SLC35C1: variants seen among roughly 807,000 people sequenced by gnomAD.
SLC35C1 encodes GDP-fucose transporter 1.
In SLC35C1, 8 loss-of-function variants were observed where a neutral mutation model predicts 23.2. That is an observed-to-expected ratio of 0.35 (90% CI 0.20 to 0.62). The LOEUF is 0.62. SLC35C1 is among the 20% of genes least tolerant of loss of function. The probability of loss-of-function intolerance (pLI) is 0.75; values close to 1 mark genes in which losing one functional copy is unlikely to be tolerated. For missense variants in SLC35C1, 422 were observed against 478.6 expected, an observed-to-expected ratio of 0.88 and a Z score of 1.10; for synonymous variants, 226 against 225.1, an observed-to-expected ratio of 1.00 and a Z score of -0.04.
chr11:45,805,874 G>A lies in SLC35C1; in HGVS notation c.73G>A (p.Glu25Lys). The change falls in exon 1 of 2, where the codon GAG becomes AAG. Residue 25 changes from glutamate to lysine, a missense_variant. Glu to Lys is a moderately conservative substitution (Grantham distance 56). Transcript: ENST00000314134. Reference sequence around the variant, plus strand: ...GACCGGGGCCTCAGACCCCTCTGCAGAGGCAGAGGCCAACGGGGAGAAGCC... The same window carrying A: ...GACCGGGGCCTCAGACCCCTCTGCAAAGGCAGAGGCCAACGGGGAGAAGCC... ...ALTGASDPSA[E>K]AEANGEKPFL... 6.2e-7 allele frequency: 1 copy of A among 1,614,174 alleles called. No individual in the cohort carries two copies. The highest frequency in any genetic ancestry group is 8.5e-7 in the Non-Finnish European group (1 of 1,180,028).
chr11:45,804,923 G>A, upstream of SLC35C1: 1 of 985,592 alleles, frequency 1.0e-6, no homozygotes, highest in Non-Finnish European at 1.2e-6. Context: ...GGTTGATGGA[G>A]CCCTTCCAGG....
rs780984429 is a variant in SLC35C1 at position 45,806,046 on chromosome 11, T to G, written c.245T>G (p.Leu82Arg). 1 of 1,613,504 alleles carries G rather than the reference T, an allele frequency of 6.2e-7. No homozygotes were observed. Reference protein sequence around the residue: ...TPIFVTFYQCLVTTLLCKGLS... With the variant: ...TPIFVTFYQCRVTTLLCKGLS... ...ATCTTCGTCACCTTCTACCAGTGCCTGGTGACCACGCTGCTGTGCAAAGGC... is the reference window on the plus strand; with the variant it reads ...ATCTTCGTCACCTTCTACCAGTGCCGGGTGACCACGCTGCTGTGCAAAGGC... The change falls in exon 1 of 2, where the codon CTG becomes CGG. Residue 82 changes from leucine to arginine, a missense_variant. Leu to Arg is a moderately radical substitution (Grantham distance 102). Transcript: ENST00000314134.
chr11:45,811,703 G>A lies in SLC35C1; in HGVS notation c.*368G>A. The A allele has an allele frequency of 5.0e-6, 1 of 198,298 alleles. No homozygotes were observed. Among genetic ancestry groups the A allele is most frequent in the Non-Finnish European group, 1.0e-5 (1 of 96,208 alleles). 12.3% of individuals were successfully genotyped at this position (198,298 alleles called of 1,614,324 possible). ...GACAGGGACAGGCAACAACCTTGAAGGGACAGCAATGGCAAAGCCACAAAG... is the reference window on the plus strand; with the variant it reads ...GACAGGGACAGGCAACAACCTTGAAAGGACAGCAATGGCAAAGCCACAAAG... On this transcript the variant is annotated 3_prime_UTR_variant, in exon 2 of 2. Transcript: ENST00000314134.
rs2085854368 is a variant in SLC35C1, at chr11:45,805,166, T to A, written c.-636T>A. On this transcript the variant is annotated 5_prime_UTR_variant, in exon 1 of 2. Transcript: ENST00000314134. The stretch of plus-strand genomic sequence containing the variant: ...GAGTCGGCCTCGGATGTCCGGAGGC[T>A]CCTGGGCTGAGCCGGCGACAGAGCC... 3.0e-6 allele frequency: 3 copies of A among 990,420 alleles called. No homozygotes were observed. The highest frequency in any genetic ancestry group is 1.2e-6 in the Non-Finnish European group (1 of 832,692). The allele number at this position is 990,420 out of a possible 1,614,324, so 61.4% of individuals were successfully genotyped here.
Position 45,805,154 on chromosome 11 carries a change from A to T in SLC35C1, c.-648A>T. The T allele has an allele frequency of 2.0e-6, 2 of 986,204 alleles. No homozygotes were observed. The highest frequency in any genetic ancestry group is 1.2e-6 in the Non-Finnish European group (1 of 830,544). 61.1% of individuals were successfully genotyped at this position (986,204 alleles called of 1,614,324 possible). On this transcript the variant is annotated 5_prime_UTR_variant, in exon 1 of 2. It removes an upstream start codon present in the reference 5' UTR. Coordinates refer to ENST00000314134, the MANE Select transcript of SLC35C1 (RefSeq NM_018389.5). ...CCGCCTCCCGGGGAGTCGGCCTCGGATGTCCGGAGGCTCCTGGGCTGAGCC... is the reference window on the plus strand; with the variant it reads ...CCGCCTCCCGGGGAGTCGGCCTCGGTTGTCCGGAGGCTCCTGGGCTGAGCC...
Position 45,805,318 on chromosome 11 carries a change from T to A in SLC35C1, c.-484T>A. On this transcript the variant is annotated 5_prime_UTR_variant, in exon 1 of 2. Coordinates refer to ENST00000314134, the MANE Select transcript of SLC35C1 (RefSeq NM_018389.5). ...GCGCCCGGCCTCCGGCAGCTCCCTGTACGCCTCCCTCCCCCTGCCCGCCCC... is the reference window on the plus strand; with the variant it reads ...GCGCCCGGCCTCCGGCAGCTCCCTGAACGCCTCCCTCCCCCTGCCCGCCCC... The A allele has an allele frequency of 9.6e-7, 1 of 1,045,322 alleles. No individual in the cohort carries two copies. Among genetic ancestry groups the A allele is most frequent in the Non-Finnish European group, 1.2e-6 (1 of 863,584 alleles). The allele number at this position is 1,045,322 out of a possible 1,614,324, so 64.8% of individuals were successfully genotyped here. A position where few individuals can be genotyped will look rare whatever the true frequency, so the allele number is the denominator to read the frequency against.
Position 45,806,109 on chromosome 11 carries a change from A to C in SLC35C1, c.308A>C (p.Asp103Ala). 2 of 1,609,518 alleles carry C rather than the reference A, an allele frequency of 1.2e-6. No individual in the cohort carries two copies. Among genetic ancestry groups the C allele is most frequent in the Non-Finnish European group, 8.5e-7 (1 of 1,179,900 alleles). Residue 103 changes from aspartate to alanine, a missense_variant, in exon 1 of 2, where the codon GAC becomes GCC. By Grantham distance (126) the Asp-to-Ala change is moderately radical. Coordinates refer to ENST00000314134, the MANE Select transcript of SLC35C1 (RefSeq NM_018389.5). ...ALAACCPGAV[D>A]FPSLRLDLRV... Reference sequence around the variant, plus strand: ...GCCGCCTGCTGCCCTGGTGCCGTGGACTTCCCCAGCTTGCGCCTGGACCTC... The same window carrying C: ...GCCGCCTGCTGCCCTGGTGCCGTGGCCTTCCCCAGCTTGCGCCTGGACCTC...
Position 45,805,995 on chromosome 11 carries a change from GCCCCTCCCTGCGGCTGGACAC to G in SLC35C1, c.199_219del (p.Ser67_Pro73del), listed in dbSNP as rs1036257272. 1.2e-6 allele frequency: 2 copies of G among 1,614,078 alleles called. No homozygotes were observed. The highest frequency in any genetic ancestry group is 1.7e-6 in the Non-Finnish European group (2 of 1,180,018). ...TTCCTTAATAAGTACCTGCTGGACA[GCCCCTCCCTGCGGCTGGACAC>G]CCCCATCTTCGTCACCTTCTACCAG... On this transcript the variant is annotated inframe_deletion, in exon 1 of 2. Coordinates refer to ENST00000314134, the MANE Select transcript of SLC35C1 (RefSeq NM_018389.5).
intron 1 of SLC35C1, among the ~76,000 whole-genome samples, chr11:45,807,957 A>G (rs183287450): frequency 1.4e-4 from 22 of 152,266 alleles, no homozygotes; most frequent in African/African-American, 4.3e-4. Flanking sequence ...GAAGGTGAAG[A>G]CACTAGGGTA....
In SLC35C1 at chr11:45,806,196, A is replaced by T. The variant is rs1223283822; in HGVS notation, c.395A>T (p.Asn132Ile). Residue 132 changes from asparagine (N) to isoleucine (I), a missense_variant, in exon 1 of 2, where the codon AAC becomes ATC. Physicochemically the swap from Asn to Ile is moderately radical, Grantham distance 149 (BLOSUM62 -3). Coordinates refer to ENST00000314134, the MANE Select transcript of SLC35C1 (RefSeq NM_018389.5). ...TTCATCGGCATGATCACCTTCAATAACCTCTGCCTCAAGTACGTCGGTGTG... is the reference window on the plus strand; with the variant it reads ...TTCATCGGCATGATCACCTTCAATATCCTCTGCCTCAAGTACGTCGGTGTG... ...VVFIGMITFN[N>I]LCLKYVGVAF... is the part of the protein sequence containing the mutation. 1 of 1,603,320 alleles carries T rather than the reference A, an allele frequency of 6.2e-7. No individual in the cohort carries two copies. The highest frequency in any genetic ancestry group is 1.3e-5 in the African/African-American group (1 of 74,220).
intron 1 of SLC35C1, chr11:45,810,413 C>T: frequency 1.0e-6 from 1 of 985,436 alleles, no homozygotes; most frequent in Non-Finnish European, 1.2e-6. Flanking sequence ...ATGCCCCAGG[C>T]CAGCACAGTC....
At position 45,805,502 on chromosome 11, in the gene SLC35C1, T is replaced by A; in HGVS notation, c.-300T>A. The stretch of plus-strand genomic sequence containing the variant: ...GACCCCTCCCTGTTAGGCCCCAGCC[T>A]CTTCTCCCCTCACAGGTCTTCTCTG... On this transcript the variant is annotated 5_prime_UTR_variant, in exon 1 of 2. Coordinates refer to ENST00000314134, the MANE Select transcript of SLC35C1 (RefSeq NM_018389.5). The A allele has an allele frequency of 7.7e-6, 10 of 1,295,070 alleles. No homozygotes were observed. The highest frequency in any genetic ancestry group is 7.9e-6 in the Non-Finnish European group (8 of 1,012,388). 80.2% of individuals were successfully genotyped at this position (1,295,070 alleles called of 1,614,324 possible). A position where few individuals can be genotyped will look rare whatever the true frequency, so the allele number is the denominator to read the frequency against.
In SLC35C1 at chr11:45,812,484, G is replaced by C; in HGVS notation, c.*1149G>C. The C allele has an allele frequency of 4.4e-6, 2 of 453,846 alleles. No individual in the cohort carries two copies. Among genetic ancestry groups the C allele is most frequent in the Admixed American group, 2.4e-5 (1 of 42,480 alleles). 28.1% of individuals were successfully genotyped at this position (453,846 alleles called of 1,614,324 possible). On this transcript the variant is annotated 3_prime_UTR_variant, in exon 2 of 2. Coordinates refer to ENST00000314134, the MANE Select transcript of SLC35C1 (RefSeq NM_018389.5). ...AACGTATTGCTCACAGTCCTGGGGG[G>C]CTGGGACGCCCAAGATCAAGAGGCC... is the stretch of plus-strand genomic sequence containing the variant.
chr11:45,805,745 C>T lies in SLC35C1; in HGVS notation c.-57C>T. ...CGGAGAGCACAAGTGAGCTCACTGCCCTGGACTCCAGGGAATCAGAGTTCT... is the reference window on the plus strand; with the variant it reads ...CGGAGAGCACAAGTGAGCTCACTGCTCTGGACTCCAGGGAATCAGAGTTCT... On this transcript the variant is annotated 5_prime_UTR_variant, in exon 1 of 2. Coordinates refer to ENST00000314134, the MANE Select transcript of SLC35C1 (RefSeq NM_018389.5). 1 of 1,604,080 alleles carries T rather than the reference C, an allele frequency of 6.2e-7. No homozygotes were observed. Among genetic ancestry groups the T allele is most frequent in the South Asian group, 1.1e-5 (1 of 90,908 alleles).
chr11:45,808,871 C>T (rs1249323402), intron 1 of SLC35C1, among the ~76,000 whole-genome samples: 4 of 152,098 alleles, frequency 2.6e-5, no homozygotes, highest in African/African-American at 7.2e-5. Context: ...GGCATGGTGG[C>T]GCATCCCTGT....
In SLC35C1 at chr11:45,805,365, A is replaced by T; in HGVS notation, c.-437A>T. 1.0e-6 allele frequency: 1 copy of T among 953,256 alleles called. No homozygotes were observed. Among genetic ancestry groups the T allele is most frequent in the Non-Finnish European group, 1.2e-6 (1 of 815,404 alleles). 59.0% of individuals were successfully genotyped at this position (953,256 alleles called of 1,614,324 possible). ...CCCCTCCCTCCCACAGCCGCCCATG[A>T]CGCCCTCTCGGCACCTCTTCCCACT... On this transcript the variant is annotated 5_prime_UTR_variant, in exon 1 of 2. Coordinates refer to ENST00000314134, the MANE Select transcript of SLC35C1 (RefSeq NM_018389.5).
At position 45,811,265 on chromosome 11, in the gene SLC35C1, G is replaced by C. The variant is rs377292146; in HGVS notation, c.1025G>C (p.Gly342Ala). The change falls in exon 2 of 2, where the codon GGC (glycine) becomes GCC (alanine). Residue 342 changes from glycine (G) to alanine (A), a missense_variant. Coordinates refer to ENST00000314134, the MANE Select transcript of SLC35C1 (RefSeq NM_018389.5). ...TCCTCCGCCTACACCTGGGTCAGGG[G>C]CTGGGAGATGAAGAAGACTCCGGAG... ...GGSSAYTWVR[G>A]WEMKKTPEEP... The C allele has an allele frequency of 3.2e-6, 5 of 1,585,124 alleles. No homozygotes were observed. The highest frequency in any genetic ancestry group is 4.3e-6 in the Non-Finnish European group (5 of 1,166,218).
chr11:45,804,449 G>T, upstream of SLC35C1: 1 of 983,434 alleles, frequency 1.0e-6, no homozygotes, highest in Non-Finnish European at 1.2e-6. Flanking sequence ...TCGCGGCCCG[G>T]GGACACAGGC....
At chr11:45,809,660 T>C (rs1041191203) in intron 1 of SLC35C1, 20 of 693,624 alleles carry the variant, frequency 2.9e-5, no homozygotes, top group Non-Finnish European at 3.5e-5. Context: ...CCCAGAGAGC[T>C]CAGAGTGGTT....
Sources: gnomAD v4.1 joint callset for allele counts (sites outside exome capture counted in the v4.1 genomes callset) on GRCh38, gnomAD v4.1.1 for gene constraint, MANE v1.5 for transcripts, NCBI Gene and HGNC (gene_info 2026-07-23, HGNC 2026-07-21) for gene names.